HPCAL1: variants seen among roughly 807,000 people sequenced by gnomAD.
HPCAL1 encodes hippocalcin like 1, also known as hippocalcin-like protein 1.
A neutral mutation model predicts 17.1 loss-of-function variants in HPCAL1; 8 were observed. The observed-to-expected ratio is 0.47, with a 90% CI of 0.27 to 0.84. HPCAL1 has a LOEUF of 0.84. Among genes scored for constraint, HPCAL1 ranks in the 40% least tolerant of loss-of-function variants. HPCAL1 has a pLI of 0.13. For synonymous variants in HPCAL1, 112 were observed against 111.4 expected (o/e 1.01, Z -0.03); for missense variants, 165 against 271.1 (o/e 0.61, Z 2.75).
At chr2:10,336,500 A>G (rs567180332) in intron 1 of HPCAL1, among the ~76,000 whole-genome samples, 2 of 152,314 alleles carry the variant, frequency 1.3e-5, no homozygotes, top group East Asian at 3.9e-4. Flanking sequence ...CTTTTGCATT[A>G]GTAGGAACAT....
chr2:10,378,230 T>G (rs899852370), intron 1 of HPCAL1, among the ~76,000 whole-genome samples: 2 of 149,682 alleles, frequency 1.3e-5, no homozygotes, highest in African/African-American at 4.9e-5. Context: ...CATGTTTTTT[T>G]TTTTTTTTTT....
At position 10,359,548 on chromosome 2, in the gene HPCAL1, C is replaced by T. The variant is rs1390524936; in HGVS notation, c.-110-37287C>T. ...TCCCACCCTCTGTCCCTCGGGGACCCCACTTCCCAGGTGGCCTGGAGGATG... is the reference window on the plus strand; with the variant it reads ...TCCCACCCTCTGTCCCTCGGGGACCTCACTTCCCAGGTGGCCTGGAGGATG... On this transcript the variant is annotated intron_variant, in intron 1 of 4. Coordinates refer to ENST00000307845, the MANE Select transcript of HPCAL1 (RefSeq NM_002149.4). The surrounding 1 kb of genome is among the most constrained non-coding windows in gnomAD (Gnocchi z 4.1). 6.6e-6 allele frequency among the ~76,000 whole-genome samples: 1 copy of T among 152,238 alleles called. No homozygotes were observed. The highest frequency in any genetic ancestry group is 1.5e-5 in the Non-Finnish European group (1 of 68,042).
chr2:10,331,009 G>T lies in HPCAL1; in HGVS notation c.-111+27832G>T, dbSNP rs1053736334. Among the ~76,000 whole-genome samples, 39 of 152,244 alleles carry T rather than the reference G, an allele frequency of 2.6e-4. 1 individual carries two copies. Among genetic ancestry groups the T allele is most frequent in the African/African-American group, 8.9e-4 (37 of 41,534 alleles). On this transcript the variant is annotated intron_variant, in intron 1 of 4. Coordinates refer to ENST00000307845, the MANE Select transcript of HPCAL1 (RefSeq NM_002149.4). The surrounding 1 kb of genome is among the most constrained non-coding windows in gnomAD (Gnocchi z 5.0). The stretch of plus-strand genomic sequence containing the variant: ...CTCCTTTGCAGCCCCGGCCTCTCCA[G>T]TTCTCTGTGTCTTGCCATCTTGGCT...
In HPCAL1 at chr2:10,359,041, C is replaced by T. The variant is rs1286418622; in HGVS notation, c.-110-37794C>T. Among the ~76,000 whole-genome samples the T allele has an allele frequency of 1.4e-5, 2 of 147,676 alleles. No individual in the cohort carries two copies. Among genetic ancestry groups the T allele is most frequent in the African/African-American group, 2.7e-5 (1 of 37,616 alleles). ...TCTGCATGCTCCCCTTGAGGTTTGA[C>T]CCGTCTGCATGCTCCCCTCGAGGTT... On this transcript the variant is annotated intron_variant, in intron 1 of 4. Coordinates refer to ENST00000307845, the MANE Select transcript of HPCAL1 (RefSeq NM_002149.4). This position sits in a 1 kb window ranked among gnomAD's most constrained non-coding sequence, Gnocchi z 4.1.
chr2:10,352,604 G>C (rs1209358515), intron 1 of HPCAL1, among the ~76,000 whole-genome samples: 1 of 152,316 alleles, frequency 6.6e-6, no homozygotes, highest in East Asian at 1.9e-4. Flanking sequence ...CCCTGGGGAC[G>C]TCTGGGATCT....
intron 1 of HPCAL1, among the ~76,000 whole-genome samples, chr2:10,374,276 A>G (rs1667406697): frequency 6.7e-6 from 1 of 149,076 alleles, no homozygotes. Context: ...GAGTGATGTA[A>G]GAACATATCA....
At chr2:10,357,924 T>A (rs1047897422) in intron 1 of HPCAL1, among the ~76,000 whole-genome samples, 2 of 151,656 alleles carry the variant, frequency 1.3e-5, no homozygotes, top group Non-Finnish European at 2.9e-5. Context: ...CCCAGTCACC[T>A]TTTACCCAGG....
chr2:10,399,250 C>CCACCACCACCAT (rs1572815755), intron 2 of HPCAL1, among the ~76,000 whole-genome samples: 1 of 69,246 alleles, frequency 1.4e-5, no homozygotes, highest in Non-Finnish European at 3.2e-5. Context: ...ATCACCACCA[C>CCACCACCACCAT]CACCACCACC....
chr2:10,374,474 G>A (rs969831995), intron 1 of HPCAL1, among the ~76,000 whole-genome samples: 2 of 152,226 alleles, frequency 1.3e-5, no homozygotes, highest in Non-Finnish European at 2.9e-5. Flanking sequence ...AGCGACAGCT[G>A]TTCCTCTTCA....
intron 1 of HPCAL1, among the ~76,000 whole-genome samples, chr2:10,338,258 G>A (rs1394681512): frequency 2.6e-5 from 4 of 152,118 alleles, no homozygotes; most frequent in Non-Finnish European, 1.5e-5. Flanking sequence ...TTAGATAGTG[G>A]TGGTGGCTGT....
At chr2:10,322,962 T>A (rs181110484) in intron 1 of HPCAL1, among the ~76,000 whole-genome samples, 6 of 152,292 alleles carry the variant, frequency 3.9e-5, no homozygotes, top group African/African-American at 1.4e-4. Context: ...TGGGGGCTCT[T>A]GACAGACAGA....
At chr2:10,309,159 T>C (rs1226176760) in intron 1 of HPCAL1, among the ~76,000 whole-genome samples, 1 of 152,124 alleles carries the variant, frequency 6.6e-6, no homozygotes, top group Non-Finnish European at 1.5e-5. Flanking sequence ...CATAGTCTCC[T>C]GAGTAGCTAG....
rs1206629133 is a variant in HPCAL1, at chr2:10,310,754, G to A, written c.-111+7577G>A. Among the ~76,000 whole-genome samples, 4 of 152,156 alleles carry A rather than the reference G, an allele frequency of 2.6e-5. No individual in the cohort carries two copies. Among genetic ancestry groups the A allele is most frequent in the Non-Finnish European group, 5.9e-5 (4 of 68,030 alleles). On this transcript the variant is annotated intron_variant, in intron 1 of 4. Transcript: ENST00000307845. This position sits in a 1 kb window ranked among gnomAD's most constrained non-coding sequence, Gnocchi z 4.5. Reference sequence around the variant, plus strand: ...GGAGTGTTCGTGCTGGCAGGCCGGAGGAGGACTGCTGGGCACACTTGCAGA... The same window carrying A: ...GGAGTGTTCGTGCTGGCAGGCCGGAAGAGGACTGCTGGGCACACTTGCAGA...
At chr2:10,327,577 C>A (rs77761966) in intron 1 of HPCAL1, among the ~76,000 whole-genome samples, 10,777 of 152,164 alleles carry the variant, frequency 0.071, 471 homozygotes, top group Middle Eastern at 0.092. Flanking sequence ...CTTTATAGAG[C>A]GTAGTATATA....
At position 10,367,620 on chromosome 2, in the gene HPCAL1, T is replaced by C. The variant is rs2125502177; in HGVS notation, c.-110-29215T>C. On this transcript the variant is annotated intron_variant, in intron 1 of 4. Coordinates refer to ENST00000307845, the MANE Select transcript of HPCAL1 (RefSeq NM_002149.4). The surrounding 1 kb of genome is among the most constrained non-coding windows in gnomAD (Gnocchi z 4.4). ...CTGTCATCCCACGGGTTGGTTTAGA[T>C]GTAAATTTTATGCTTCCTTGCAAAA... Among the ~76,000 whole-genome samples the C allele has an allele frequency of 6.6e-6, 1 of 152,342 alleles. No homozygotes were observed. The highest frequency in any genetic ancestry group is 2.4e-5 in the African/African-American group (1 of 41,580).
chr2:10,337,477 G>T (rs1441087406), intron 1 of HPCAL1, among the ~76,000 whole-genome samples: 1 of 152,004 alleles, frequency 6.6e-6, no homozygotes, highest in Non-Finnish European at 1.5e-5. Flanking sequence ...CTGGCTCCCC[G>T]GTTGCCCACC....
chr2:10,315,924 T>G (rs1663284593), intron 1 of HPCAL1, among the ~76,000 whole-genome samples: 1 of 152,136 alleles, frequency 6.6e-6, no homozygotes, highest in African/African-American at 2.4e-5. Context: ...TGAGAATTTC[T>G]TGAACCCAGG....
intron 1 of HPCAL1, among the ~76,000 whole-genome samples, chr2:10,306,138 G>A (rs151003050): frequency 6.6e-6 from 1 of 152,312 alleles, no homozygotes; most frequent in Non-Finnish European, 1.5e-5. Context: ...ATTTGGCACC[G>A]AAGATTAAGC....
In HPCAL1 at chr2:10,310,186, G is replaced by T. The variant is rs1039914658; in HGVS notation, c.-111+7009G>T. On this transcript the variant is annotated intron_variant, in intron 1 of 4. Transcript: ENST00000307845. The surrounding 1 kb of genome is among the most constrained non-coding windows in gnomAD (Gnocchi z 4.5). ...AGACTGGGTTTGAACTGTAGTCTTTGCTCTGTTTACTGGCTGGTGATGTTC... is the reference window on the plus strand; with the variant it reads ...AGACTGGGTTTGAACTGTAGTCTTTTCTCTGTTTACTGGCTGGTGATGTTC... 1.3e-5 allele frequency among the ~76,000 whole-genome samples: 2 copies of T among 152,104 alleles called. No homozygotes were observed. Among genetic ancestry groups the T allele is most frequent in the Non-Finnish European group, 2.9e-5 (2 of 68,016 alleles).
Sources: gnomAD v4.1 joint callset for allele counts (sites outside exome capture counted in the v4.1 genomes callset) on GRCh38, gnomAD v4.1.1 for gene constraint, Gnocchi (gnomAD v3.1) non-coding constraint, MANE v1.5 for transcripts, NCBI Gene and HGNC (gene_info 2026-07-23, HGNC 2026-07-21) for gene names.